The following GRIK2 variants were observed in gnomAD, a reference collection of about 807,000 sequenced individuals.
GRIK2 encodes the protein glutamate receptor ionotropic, kainate 2.
In GRIK2, 32 loss-of-function variants were observed where a neutral mutation model predicts 100.3. The ratio of observed to expected loss-of-function variants is 0.32; its 90% CI spans 0.24 to 0.43. The LOEUF is 0.43. Among genes scored for constraint, GRIK2 ranks in the 20% least tolerant of loss-of-function variants. The probability of loss-of-function intolerance (pLI) is 1.00; values close to 1 mark genes in which losing one functional copy is unlikely to be tolerated. For missense variants in GRIK2, 843 were observed against 1,114.9 expected, an observed-to-expected ratio of 0.76 and a Z score of 3.47; for synonymous variants, 417 against 389.4, an observed-to-expected ratio of 1.07 and a Z score of -0.83.
chr6:101,635,921 A>G (rs1261377975), intron 4 of GRIK2, among the ~76,000 whole-genome samples: 1 of 151,752 alleles, frequency 6.6e-6, no homozygotes, highest in Non-Finnish European at 1.5e-5. Flanking sequence ...AATTAGTTCA[A>G]CCATTGTGGA....
At chr6:101,733,238 C>T (rs1452447241) in intron 7 of GRIK2, among the ~76,000 whole-genome samples, 2 of 152,086 alleles carry the variant, frequency 1.3e-5, no homozygotes, top group South Asian at 2.1e-4. Flanking sequence ...GGGTGAGACT[C>T]AAAGTATTAC....
chr6:101,807,649 G>A (rs9404148), intron 9 of GRIK2, among the ~76,000 whole-genome samples: 44,736 of 151,596 alleles, frequency 0.3, 9,354 homozygotes, highest in East Asian at 0.68. Flanking sequence ...TAACAAAGCA[G>A]GGCACCTAGA....
intron 16 of GRIK2, among the ~76,000 whole-genome samples, chr6:102,059,926 A>T (rs1046425373): frequency 1.3e-5 from 2 of 149,944 alleles, no homozygotes; most frequent in Non-Finnish European, 3.0e-5. Flanking sequence ...TTCCTGACAT[A>T]AAAAAAATCT....
intron 2 of GRIK2, among the ~76,000 whole-genome samples, chr6:101,415,228 T>C (rs1776075411): frequency 6.6e-6 from 1 of 152,068 alleles, no homozygotes; most frequent in Admixed American, 6.5e-5. Context: ...TAGAAAATTA[T>C]AAATAAATAT....
chr6:101,838,500 A>G (rs762290841), intron 10 of GRIK2, among the ~76,000 whole-genome samples: 1 of 152,218 alleles, frequency 6.6e-6, no homozygotes, highest in African/African-American at 2.4e-5. Flanking sequence ...CAGTGGAAAC[A>G]CACTGTCACA....
chr6:101,510,021 A>G (rs1268197734), intron 2 of GRIK2, among the ~76,000 whole-genome samples: 3 of 152,166 alleles, frequency 2.0e-5, no homozygotes, highest in East Asian at 3.9e-4. Context: ...CATTTATTTA[A>G]TTAACTGGCT....
intron 2 of GRIK2, among the ~76,000 whole-genome samples, chr6:101,416,053 A>G (rs901228694): frequency 6.6e-6 from 1 of 152,164 alleles, no homozygotes; most frequent in Non-Finnish European, 1.5e-5. Flanking sequence ...GATTTCTGTA[A>G]TTGTTTCAGC....
chr6:101,855,808 T>G (rs1784396190), intron 10 of GRIK2, among the ~76,000 whole-genome samples: 1 of 82,400 alleles, frequency 1.2e-5, no homozygotes, highest in South Asian at 6.1e-4. Flanking sequence ...TACGACTTTC[T>G]GGGGAGAATG....
chr6:101,905,017 C>T (rs943001685), intron 12 of GRIK2, among the ~76,000 whole-genome samples: 6 of 151,472 alleles, frequency 4.0e-5, no homozygotes, highest in Non-Finnish European at 8.9e-5. Context: ...ATCTCATTTA[C>T]ATGTTAGACA....
At chr6:101,533,687 G>C (rs1465931695) in intron 2 of GRIK2, among the ~76,000 whole-genome samples, 4 of 151,940 alleles carry the variant, frequency 2.6e-5, no homozygotes, top group Non-Finnish European at 5.9e-5. Flanking sequence ...CAGTCATGCT[G>C]ATAGGGCAGT....
In GRIK2 at chr6:101,880,504, C is replaced by G. The variant is rs1364134086; in HGVS notation, c.1525-9136C>G. 3.9e-5 allele frequency among the ~76,000 whole-genome samples: 6 copies of G among 151,912 alleles called. No individual in the cohort carries two copies. The Admixed American group carries it at 4.0e-4, about 10-fold the overall frequency. ...TAAATATCTTGACATTCTTACTCTG[C>G]CAAGTCTATCAGTGGATACTGATTA... On this transcript the variant is annotated intron_variant, in intron 11 of 16. Transcript: ENST00000369134.
Position 101,923,331 on chromosome 6 carries a change from T to A in GRIK2, c.1749-1270T>A, listed in dbSNP as rs575035581. Reference sequence around the variant, plus strand: ...AAAATTTGAAATACTGGGAAAAATATTTTTTTAGTTCAATAATTAGACAAA... The same window carrying A: ...AAAATTTGAAATACTGGGAAAAATAATTTTTTAGTTCAATAATTAGACAAA... On this transcript the variant is annotated intron_variant, in intron 12 of 16. Transcript: ENST00000369134. 4.1e-4 allele frequency among the ~76,000 whole-genome samples: 63 copies of A among 152,220 alleles called. 2 individuals carry two copies. Among genetic ancestry groups the A allele is most frequent in the African/African-American group, 1.5e-3 (61 of 41,546 alleles).
chr6:101,596,868 A>G (rs754635597), intron 2 of GRIK2, among the ~76,000 whole-genome samples: 2 of 151,862 alleles, frequency 1.3e-5, no homozygotes, highest in Non-Finnish European at 2.9e-5. Context: ...CTACCATTTG[A>G]ATAACCAATC....
At chr6:101,879,772 G>C (rs971226349) in intron 11 of GRIK2, among the ~76,000 whole-genome samples, 15 of 151,466 alleles carry the variant, frequency 9.9e-5, no homozygotes, top group Non-Finnish European at 2.1e-4. Context: ...TCCAGAAACT[G>C]TGTGCCTTTA....
At chr6:101,553,283 A>G (rs1776596426) in intron 2 of GRIK2, among the ~76,000 whole-genome samples, 1 of 152,308 alleles carries the variant, frequency 6.6e-6, no homozygotes, top group Admixed American at 6.5e-5. Flanking sequence ...CTCAATTAAA[A>G]GGTTAGGGTG....
intron 4 of GRIK2, among the ~76,000 whole-genome samples, chr6:101,668,134 A>G (rs537182400): frequency 6.6e-6 from 1 of 152,314 alleles, no homozygotes; most frequent in Admixed American, 6.5e-5. Flanking sequence ...TAGCCCTCCA[A>G]TTCTATTTTG....
At chr6:101,912,287 T>C (rs1157956399) in intron 12 of GRIK2, among the ~76,000 whole-genome samples, 1 of 151,392 alleles carries the variant, frequency 6.6e-6, no homozygotes, top group African/African-American at 2.4e-5. Flanking sequence ...GAGCAGAACC[T>C]TTAAAAAACT....
intron 7 of GRIK2, among the ~76,000 whole-genome samples, chr6:101,688,304 G>A (rs1051822895): frequency 3.3e-5 from 5 of 151,456 alleles, no homozygotes; most frequent in African/African-American, 9.7e-5. Context: ...TGACTAATGT[G>A]CCCCTTCATG....
chr6:101,886,950 C>T (rs1019744283), intron 11 of GRIK2, among the ~76,000 whole-genome samples: 19 of 151,066 alleles, frequency 1.3e-4, no homozygotes, highest in Non-Finnish European at 2.5e-4. Context: ...TTCAGCCTCC[C>T]GAGTAGCTGG....
Sources: allele counts gnomAD v4.1 joint callset (sites outside exome capture counted in the v4.1 genomes callset), GRCh38; gene constraint gnomAD v4.1.1; transcripts MANE v1.5; gene names NCBI Gene and HGNC (gene_info 2026-07-23, HGNC 2026-07-21).